HTR2A: variants seen among roughly 807,000 people sequenced by gnomAD.
The protein encoded by HTR2A is 5-HT2 receptor.
HTR2A carries 14 observed loss-of-function variants against 31.0 expected under a neutral mutation model. The ratio of observed to expected loss-of-function variants is 0.45; its 90% CI spans 0.30 to 0.71. The LOEUF (loss-of-function observed/expected upper bound fraction) is 0.71, where lower values mean the gene tolerates loss of function less well. Among genes scored for constraint, HTR2A ranks in the 30% least tolerant of loss-of-function variants. The pLI is 0.09. For synonymous variants in HTR2A, 209 were observed against 225.2 expected, an observed-to-expected ratio of 0.93 and a Z score of 0.64; for missense variants, 442 against 573.3, an observed-to-expected ratio of 0.77 and a Z score of 2.34.
chr13:46,850,311 C>T (rs552223791), intron 3 of HTR2A, among the ~76,000 whole-genome samples: 1 of 152,336 alleles, frequency 6.6e-6, no homozygotes, highest in African/African-American at 2.4e-5. Context: ...GTGCTCCAGG[C>T]ACTATCCTAA....
chr13:46,834,609 A>C lies in HTR2A; in HGVS notation c.*228T>G. ...AAGACATATCATTTACAATGTTATA[A>C]ATAAGTATCAGAAAGCTCACAGCTG... On this transcript the variant is annotated 3_prime_UTR_variant, in exon 4 of 4. Coordinates refer to ENST00000542664, the MANE Select transcript of HTR2A (RefSeq NM_000621.5). 1 of 502,174 alleles carries C rather than the reference A, an allele frequency of 2.0e-6. No individual in the cohort carries two copies. The highest frequency in any genetic ancestry group is 3.5e-6 in the Non-Finnish European group (1 of 285,880). The allele number at this position is 502,174 out of a possible 1,614,324, so 31.1% of individuals were successfully genotyped here.
intron 3 of HTR2A, among the ~76,000 whole-genome samples, chr13:46,866,963 T>C (rs997917015): frequency 5.3e-5 from 8 of 152,092 alleles, no homozygotes; most frequent in African/African-American, 1.9e-4. Context: ...GAGGCAGAGG[T>C]TGCAGTGAGT....
chr13:46,892,960 T>C (rs942091069), intron 2 of HTR2A, among the ~76,000 whole-genome samples: 2 of 152,220 alleles, frequency 1.3e-5, no homozygotes, highest in African/African-American at 4.8e-5. Context: ...CCTCTCACAC[T>C]GTACTGTCAG....
At chr13:46,843,635 C>G (rs562721550) in intron 3 of HTR2A, among the ~76,000 whole-genome samples, 1 of 152,070 alleles carries the variant, frequency 6.6e-6, no homozygotes. Context: ...CTGGGCTGTT[C>G]GTTAAAGCCC....
intron 3 of HTR2A, among the ~76,000 whole-genome samples, chr13:46,846,561 A>G (rs78316273): frequency 2.6e-5 from 4 of 152,344 alleles, no homozygotes; most frequent in South Asian, 2.1e-4. Flanking sequence ...CAGAGCAAGA[A>G]TGTTTCCCAG....
intron 3 of HTR2A, among the ~76,000 whole-genome samples, chr13:46,877,850 A>G (rs995906767): frequency 6.6e-6 from 1 of 152,108 alleles, no homozygotes; most frequent in Non-Finnish European, 1.5e-5. Flanking sequence ...GTAGAAAAGT[A>G]GAAGGCAGCT....
intron 3 of HTR2A, among the ~76,000 whole-genome samples, chr13:46,889,850 ATCTGCCTTTTTC>A (rs1566320252): frequency 4.6e-5 from 7 of 152,234 alleles, no homozygotes; most frequent in Non-Finnish European, 7.3e-5. Context: ...CCTTCATTAG[ATCTGCCTTTTTC>A]CTTTTTACAT....
chr13:46,849,848 A>C (rs953217637), intron 3 of HTR2A, among the ~76,000 whole-genome samples: 2 of 152,322 alleles, frequency 1.3e-5, no homozygotes, highest in South Asian at 2.1e-4. Context: ...CGTGAATGTG[A>C]GCTCCATAAA....
rs1354834637 is a variant in HTR2A, at chr13:46,833,296, G to T, written c.*1541C>A. ...AGGTAAGAAGGAAATAAGTTGAAAT[G>T]ATTCTAAAAATAAGTCTGTATATAT... is the stretch of plus-strand genomic sequence containing the variant. On this transcript the variant is annotated 3_prime_UTR_variant, in exon 4 of 4. Coordinates refer to ENST00000542664, the MANE Select transcript of HTR2A (RefSeq NM_000621.5). 6.6e-6 allele frequency: 1 copy of T among 152,096 alleles called. No individual in the cohort carries two copies. The highest frequency in any genetic ancestry group is 1.9e-4 in the East Asian group (1 of 5,196). The allele number at this position is 152,096 out of a possible 1,614,324, so 9.4% of individuals were successfully genotyped here.
At chr13:46,884,752 T>G (rs969128095) in intron 3 of HTR2A, among the ~76,000 whole-genome samples, 3 of 152,178 alleles carry the variant, frequency 2.0e-5, no homozygotes, top group Non-Finnish European at 4.4e-5. Context: ...TCTTTCTAAT[T>G]TAATCATCTT....
intron 2 of HTR2A, among the ~76,000 whole-genome samples, chr13:46,893,760 C>A (rs1951074881): frequency 1.3e-5 from 2 of 152,114 alleles, no homozygotes; most frequent in Non-Finnish European, 2.9e-5. Context: ...TAGTTTTGAT[C>A]ACAGTATAAG....
rs764259731 is a variant in HTR2A, at chr13:46,892,394, T to A, written c.609A>T (p.Ser203=). The A allele has an allele frequency of 6.2e-7, 1 of 1,613,934 alleles. No homozygotes were observed. Among genetic ancestry groups the A allele is most frequent in the Admixed American group, 1.7e-5 (1 of 60,024 alleles). Residue 203 remains serine, a synonymous_variant, in exon 3 of 4, where the codon TCA becomes TCT. Coordinates refer to ENST00000542664, the MANE Select transcript of HTR2A (RefSeq NM_000621.5). ...CTGAAATATGTTGCCACTTACCTAC[T>A]GATATGGTCCAAACAGCAATGATTT... ...FLKIIAVWTI[S]VGISMPIPVF... is the part of the protein sequence containing the mutation.
chr13:46,882,338 A>G (rs1284318626), intron 3 of HTR2A, among the ~76,000 whole-genome samples: 3 of 152,216 alleles, frequency 2.0e-5, no homozygotes, highest in Non-Finnish European at 4.4e-5. Context: ...ATAAACACCT[A>G]AATACACATG....
chr13:46,875,424 G>T (rs1950900672), intron 3 of HTR2A, among the ~76,000 whole-genome samples: 1 of 152,060 alleles, frequency 6.6e-6, no homozygotes, highest in Non-Finnish European at 1.5e-5. Context: ...TGAGCAAAAA[G>T]GTTTTGTTCA....
chr13:46,867,701 T>G (rs1950828811), intron 3 of HTR2A, among the ~76,000 whole-genome samples: 1 of 152,196 alleles, frequency 6.6e-6, no homozygotes, highest in African/African-American at 2.4e-5. Context: ...CAATCCACTG[T>G]GTCTGTAGTT....
chr13:46,895,450 C>A lies in HTR2A; in HGVS notation c.412+45G>T. 6.3e-7 allele frequency: 1 copy of A among 1,579,640 alleles called. No individual in the cohort carries two copies. The highest frequency in any genetic ancestry group is 1.2e-5 in the South Asian group (1 of 84,482). On this transcript the variant is annotated intron_variant, in intron 2 of 3. Coordinates refer to ENST00000542664, the MANE Select transcript of HTR2A (RefSeq NM_000621.5). The surrounding 1 kb of genome is among the most constrained non-coding windows in gnomAD (Gnocchi z 4.4). The stretch of plus-strand genomic sequence containing the variant: ...CATCTGCTGGTGGCATGCACATGCT[C>A]TTTATTACCAGTGCGAATATAGCTG...
At chr13:46,856,475 G>C (rs1287401536) in intron 3 of HTR2A, among the ~76,000 whole-genome samples, 1 of 152,032 alleles carries the variant, frequency 6.6e-6, no homozygotes, top group East Asian at 1.9e-4. Flanking sequence ...TGTGAGGCTT[G>C]GCTATCCCTA....
rs1329832636 is a variant in HTR2A, at chr13:46,834,595, T to C, written c.*242A>G. 8.5e-6 allele frequency: 4 copies of C among 471,474 alleles called. No individual in the cohort carries two copies. Among genetic ancestry groups the C allele is most frequent in the African/African-American group, 7.8e-5 (4 of 51,598 alleles). The allele number at this position is 471,474 out of a possible 1,614,324, so 29.2% of individuals were successfully genotyped here. On this transcript the variant is annotated 3_prime_UTR_variant, in exon 4 of 4. Coordinates refer to ENST00000542664, the MANE Select transcript of HTR2A (RefSeq NM_000621.5). ...AGTGAATCATTTTAAAGACATATCA[T>C]TTACAATGTTATAAATAAGTATCAG...
At chr13:46,865,264 T>C (rs1950810251) in intron 3 of HTR2A, among the ~76,000 whole-genome samples, 1 of 152,192 alleles carries the variant, frequency 6.6e-6, no homozygotes, top group South Asian at 2.1e-4. Flanking sequence ...TAACAGCAAG[T>C]AGATTGTCTT....
Sources: allele counts gnomAD v4.1 joint callset (sites outside exome capture counted in the v4.1 genomes callset), GRCh38; gene constraint gnomAD v4.1.1; non-coding constraint Gnocchi (gnomAD v3.1); transcripts MANE v1.5; gene names NCBI Gene and HGNC (gene_info 2026-07-23, HGNC 2026-07-21).